PPP1R12B: variants seen among roughly 807,000 people sequenced by gnomAD.
PPP1R12B encodes myosin phosphatase target subunit 2.
PPP1R12B carries 76 observed loss-of-function variants against 126.1 expected under a neutral mutation model. The ratio of observed to expected loss-of-function variants is 0.60; its 90% CI spans 0.50 to 0.73. PPP1R12B has a LOEUF of 0.73. PPP1R12B is among the 30% of genes least tolerant of loss of function. The pLI is 0.00. For missense variants in PPP1R12B, 1,052 were observed against 1,205.1 expected, an observed-to-expected ratio of 0.87 and a Z score of 1.88; for synonymous variants, 356 against 434.7, an observed-to-expected ratio of 0.82 and a Z score of 2.25.
rs780305996 is a variant in PPP1R12B at position 202,348,866 on chromosome 1, G to A, written c.15G>A (p.Glu5=). The A allele has an allele frequency of 1.2e-6, 2 of 1,608,902 alleles. No homozygotes were observed. Among genetic ancestry groups the A allele is most frequent in the Non-Finnish European group, 8.5e-7 (1 of 1,178,926 alleles). ...AGGCCGGAGCAATGGCGGAACTGGA[G>A]CACCTAGGAGGGAAGCGGGCAGAGT... The part of the protein sequence containing the change: MAEL[E]HLGGKRAESA... The change falls in exon 1 of 24, where the codon GAG becomes GAA. Residue 5 remains glutamate (E), a synonymous_variant. Coordinates refer to ENST00000608999, the MANE Select transcript of PPP1R12B (RefSeq NM_002481.4).
At chr1:202,377,372 G>T (rs1236047995) in intron 1 of PPP1R12B, among the ~76,000 whole-genome samples, 2 of 150,784 alleles carry the variant, frequency 1.3e-5, no homozygotes, top group Non-Finnish European at 2.9e-5. Flanking sequence ...GCGTGATCTC[G>T]ACTCACTGCA....
chr1:202,540,108 T>G (rs1684952147), intron 18 of PPP1R12B: 1 of 1,582,798 alleles, frequency 6.3e-7, no homozygotes, highest in African/African-American at 1.3e-5. Context: ...AAGAATCCAG[T>G]GGTTGAGTGT....
intron 2 of PPP1R12B, 75 bp downstream of exon 2, chr1:202,416,992 T>G: frequency 6.9e-7 from 1 of 1,450,538 alleles, no homozygotes; most frequent in South Asian, 1.5e-5. Flanking sequence ...TTCTTAGGAA[T>G]TTGAATTTTA....
chr1:202,568,132 C>T (rs917711010), intron 22 of PPP1R12B, among the ~76,000 whole-genome samples: 1 of 152,040 alleles, frequency 6.6e-6, no homozygotes, highest in Non-Finnish European at 1.5e-5. Context: ...CATACACACA[C>T]AACCCATAAC....
intron 13 of PPP1R12B, 54 bp downstream of exon 13, chr1:202,449,225 A>C (rs35199619): frequency 6.5e-7 from 1 of 1,538,752 alleles, no homozygotes; most frequent in South Asian, 1.2e-5. Flanking sequence ...GTAGACGATA[A>C]AGGAATGGGC....
At chr1:202,442,285 T>A (rs116820931) in intron 11 of PPP1R12B, among the ~76,000 whole-genome samples, 162 bp from the exon 12 acceptor site, 2,846 of 152,348 alleles carry the variant, frequency 0.019, 47 homozygotes, top group Non-Finnish European at 0.029. Flanking sequence ...GTAATACTTC[T>A]CTTCTGTACA....
At chr1:202,373,660 TTTG>T (rs1448567357) in intron 1 of PPP1R12B, among the ~76,000 whole-genome samples, 12 of 120,752 alleles carry the variant, frequency 9.9e-5, no homozygotes, top group African/African-American at 3.0e-4. Context: ...AGAAGATATC[TTTG>T]TTTTTTTTTT....
chr1:202,402,762 C>T (rs990423987), intron 1 of PPP1R12B, among the ~76,000 whole-genome samples: 14 of 152,124 alleles, frequency 9.2e-5, no homozygotes, highest in African/African-American at 3.4e-4. Context: ...ACTCAAACAC[C>T]TACAGTGAGG....
chr1:202,450,601 T>C (rs193125199), intron 13 of PPP1R12B, among the ~76,000 whole-genome samples: 1 of 152,374 alleles, frequency 6.6e-6, no homozygotes, highest in African/African-American at 2.4e-5. Flanking sequence ...CTTTTATATT[T>C]GTGTGTATTA....
At chr1:202,493,815 T>C (rs554891373) in intron 15 of PPP1R12B, among the ~76,000 whole-genome samples, 6 of 152,334 alleles carry the variant, frequency 3.9e-5, no homozygotes, top group African/African-American at 1.4e-4. Flanking sequence ...AGTTTGAACA[T>C]AGGCAGTCTG....
At chr1:202,573,292 G>C (rs1394173278) in intron 23 of PPP1R12B, among the ~76,000 whole-genome samples, 3 of 152,166 alleles carry the variant, frequency 2.0e-5, no homozygotes, top group Non-Finnish European at 4.4e-5. Context: ...GGCTACATGA[G>C]ACAGTTTGGC....
intron 1 of PPP1R12B, among the ~76,000 whole-genome samples, chr1:202,376,416 G>A (rs1389040680): frequency 2.0e-5 from 3 of 152,186 alleles, no homozygotes; most frequent in African/African-American, 7.2e-5. Context: ...CAACTGTTAG[G>A]AATAAGTGCC....
chr1:202,350,773 A>T (rs1284828691), intron 1 of PPP1R12B, among the ~76,000 whole-genome samples: 1 of 151,846 alleles, frequency 6.6e-6, no homozygotes, highest in Non-Finnish European at 1.5e-5. Context: ...GGCGCCTGCC[A>T]CCACGCCTAG....
intron 13 of PPP1R12B, among the ~76,000 whole-genome samples, chr1:202,456,113 AC>A (rs1673595351): frequency 6.6e-6 from 1 of 152,012 alleles, no homozygotes; most frequent in South Asian, 2.1e-4. Context: ...TAATAAAAAT[AC>A]AAAAATTAGC....
chr1:202,475,878 A>T (rs1676575627), intron 13 of PPP1R12B, among the ~76,000 whole-genome samples: 1 of 151,878 alleles, frequency 6.6e-6, no homozygotes, highest in Admixed American at 6.6e-5. Flanking sequence ...TCTCTGAAGA[A>T]CTTTTGTCGA....
At chr1:202,423,191 G>A (rs963428746) in intron 3 of PPP1R12B, among the ~76,000 whole-genome samples, 15 of 152,236 alleles carry the variant, frequency 9.9e-5, no homozygotes, top group African/African-American at 2.9e-4. Context: ...GTTAAGGTGA[G>A]GAAGCTAACT....
At chr1:202,354,832 G>GT (rs1164892426) in intron 1 of PPP1R12B, among the ~76,000 whole-genome samples, 11 of 143,188 alleles carry the variant, frequency 7.7e-5, no homozygotes, top group South Asian at 2.2e-4. Flanking sequence ...TTTTGTTGTT[G>GT]TTTTTTTTTT....
At chr1:202,567,257 C>G (rs1688134196) in intron 21 of PPP1R12B, among the ~76,000 whole-genome samples, 1 of 152,098 alleles carries the variant, frequency 6.6e-6, no homozygotes, top group Non-Finnish European at 1.5e-5. Context: ...AAAACTGCTG[C>G]TCTAAAAGAA....
intron 1 of PPP1R12B, among the ~76,000 whole-genome samples, chr1:202,358,709 A>G (rs1657588984): frequency 6.6e-6 from 1 of 151,476 alleles, no homozygotes; most frequent in African/African-American, 2.4e-5. Flanking sequence ...CTGAAACTTG[A>G]GTTTTCAGTA....
Sources: gnomAD v4.1 joint callset for allele counts (sites outside exome capture counted in the v4.1 genomes callset) on GRCh38, gnomAD v4.1.1 for gene constraint, MANE v1.5 for transcripts, NCBI Gene and HGNC (gene_info 2026-07-23, HGNC 2026-07-21) for gene names.